ZNF599: variants seen among roughly 807,000 people sequenced by gnomAD.
ZNF599 encodes zinc finger protein 599.
In ZNF599, 10 loss-of-function variants were observed where a neutral mutation model predicts 11.7. The ratio of observed to expected loss-of-function variants is 0.86; its 90% CI spans 0.53 to 1.45. The LOEUF is 1.45. Among genes scored for constraint, ZNF599 ranks in the 40% most tolerant of loss-of-function variants. The pLI, the probability that ZNF599 is intolerant of heterozygous loss-of-function variation, is 0.00. For synonymous variants in ZNF599, 232 were observed against 253.2 expected (o/e 0.92, Z 0.79); for missense variants, 688 against 713.6 (o/e 0.96, Z 0.41).
chr19:34,770,851 G>C (rs1025791210), intron 1 of ZNF599, among the ~76,000 whole-genome samples: 1 of 152,138 alleles, frequency 6.6e-6, no homozygotes, highest in Non-Finnish European at 1.5e-5. Flanking sequence ...CCCTTTGCCG[G>C]GAAGGTTCCC....
chr19:34,772,819 C>G lies in ZNF599; in HGVS notation c.18+5G>C. 1 of 1,526,946 alleles carries G rather than the reference C, an allele frequency of 6.5e-7. No homozygotes were observed. The highest frequency in any genetic ancestry group is 8.8e-7 in the Non-Finnish European group (1 of 1,140,690). The allele number at this position is 1,526,946 out of a possible 1,614,324, so 94.6% of individuals were successfully genotyped here. A position where few individuals can be genotyped will look rare whatever the true frequency, so the allele number is the denominator to read the frequency against. ...CTCGCGCGGGCTGCGGAACCCTCCA[C>G]TCACCAACGCCGGCGCCGCCATGGG... On this transcript the variant is annotated splice_donor_5th_base_variant and intron_variant, in intron 1 of 3. Transcript: ENST00000329285.
At chr19:34,796,434 C>T in the ZNF599 span, among the ~76,000 whole-genome samples, 2 of 151,914 alleles carry the variant, frequency 1.3e-5, no homozygotes, top group South Asian at 4.2e-4. Context: ...CCTCAGTCTT[C>T]CGAGAAGCTG....
chr19:34,766,938 C>T (rs1334193801), intron 3 of ZNF599: 1 of 181,852 alleles, frequency 5.5e-6, no homozygotes, highest in East Asian at 1.4e-4. Flanking sequence ...TGGGCTATGG[C>T]ATGGATAAAA....
chr19:34,800,752 C>T, the ZNF599 span, among the ~76,000 whole-genome samples: 2 of 152,018 alleles, frequency 1.3e-5, no homozygotes, highest in South Asian at 2.1e-4. Flanking sequence ...TGCACCACTA[C>T]GCCCTACTAA....
In ZNF599 at chr19:34,760,454, G is replaced by C; in HGVS notation, c.347C>G (p.Ser116Cys). Residue 116 changes from serine to cysteine, a missense_variant, in exon 4 of 4, where the codon TCC (serine) becomes TGC (cysteine). Transcript: ENST00000329285. ...ELLAQRSSRD[S>C]RLGQARDEEK... ...CTCATCTCTAGCTTGCCCCAACCTG[G>C]AATCTCTTGAGGATCTCTGTGCCAG... 2 of 1,614,072 alleles carry C rather than the reference G, an allele frequency of 1.2e-6. No homozygotes were observed. The highest frequency in any genetic ancestry group is 1.7e-5 in the Admixed American group (1 of 60,010).
chr19:34,795,652 T>C, the ZNF599 span, among the ~76,000 whole-genome samples: 10 of 152,288 alleles, frequency 6.6e-5, no homozygotes, highest in Non-Finnish European at 1.3e-4. Flanking sequence ...TATGACTTAC[T>C]ACCACACATA....
At chr19:34,786,248 C>G in the ZNF599 span, among the ~76,000 whole-genome samples, 1 of 152,166 alleles carries the variant, frequency 6.6e-6, no homozygotes, top group Non-Finnish European at 1.5e-5. Flanking sequence ...CAGAATCCCC[C>G]CTTACCTCTG....
chr19:34,801,828 A>G, the ZNF599 span, among the ~76,000 whole-genome samples: 1 of 152,238 alleles, frequency 6.6e-6, no homozygotes, highest in African/African-American at 2.4e-5. Context: ...GCCCTTCACG[A>G]AAAAGCTCCT....
At chr19:34,764,004 C>T (rs951032196) in intron 3 of ZNF599, 2 of 152,148 alleles carry the variant, frequency 1.3e-5, no homozygotes, top group Admixed American at 6.5e-5. Context: ...ATCACTTGAA[C>T]CCAGGAGGCA....
Position 34,759,672 on chromosome 19 carries a change from A to G in ZNF599, c.1129T>C (p.Cys377Arg). 1.2e-6 allele frequency: 2 copies of G among 1,614,212 alleles called. No individual in the cohort carries two copies. The highest frequency in any genetic ancestry group is 2.2e-5 in the South Asian group (2 of 91,080). The change falls in exon 4 of 4, where the codon TGC (cysteine) becomes CGC (arginine). Residue 377 changes from cysteine to arginine, a missense_variant. Transcript: ENST00000329285. ...FLCKECGKTF[C>R]LNSSFTQHMR... is the part of the protein sequence containing the mutation. ...TGCTGAGTGAAGGATGAGTTGAGGC[A>G]AAAGGTTTTTCCACATTCTTTACAT...
At chr19:34,780,699 A>G in the ZNF599 span, among the ~76,000 whole-genome samples, 2 of 150,014 alleles carry the variant, frequency 1.3e-5, no homozygotes, top group East Asian at 3.9e-4. Flanking sequence ...AGGAAGAGAG[A>G]AAGCAAGAAA....
At chr19:34,782,661 CTG>C in the ZNF599 span, among the ~76,000 whole-genome samples, 11 of 152,210 alleles carry the variant, frequency 7.2e-5, no homozygotes, top group African/African-American at 2.7e-4. Flanking sequence ...CATGCTCCAG[CTG>C]TGAGGACAGA....
chr19:34,800,586 G>GTTTTGTT, the ZNF599 span, among the ~76,000 whole-genome samples: 1 of 112,978 alleles, frequency 8.9e-6, no homozygotes, highest in South Asian at 3.0e-4. Context: ...CATTTCCTTT[G>GTTTTGTT]TTTTTTTTTT....
intron 2 of ZNF599, 118 bp from the exon 3 acceptor site, chr19:34,767,529 C>T (rs1043719540): frequency 1.5e-6 from 1 of 656,176 alleles, no homozygotes; most frequent in African/African-American, 1.8e-5. Context: ...AAGGGCCCTC[C>T]CCTGCCTCAC....
the ZNF599 span, among the ~76,000 whole-genome samples, chr19:34,790,396 A>G: frequency 6.6e-6 from 1 of 152,250 alleles, no homozygotes; most frequent in Non-Finnish European, 1.5e-5. Context: ...ATACAAAGTG[A>G]AATGAATACA....
Position 34,760,510 on chromosome 19 carries a change from G to C in ZNF599, c.291C>G (p.Ala97=). The C allele has an allele frequency of 6.2e-7, 1 of 1,614,006 alleles. No homozygotes were observed. The highest frequency in any genetic ancestry group is 1.1e-5 in the South Asian group (1 of 91,072). The change falls in exon 4 of 4, where the codon GCC becomes GCG. Residue 97 remains alanine, a synonymous_variant. Coordinates refer to ENST00000329285, the MANE Select transcript of ZNF599 (RefSeq NM_001007248.3). ...CCTGGAAAGAGGATTCCTCAGAGAA[G>C]GCCAGCTGAGAAGCAGTAGGCTCTG... ...KITEPTASQL[A]FSEESSFQEL... is the part of the protein sequence containing the mutation.
intron 2 of ZNF599, among the ~76,000 whole-genome samples, chr19:34,769,024 A>C (rs2069164240): frequency 6.6e-6 from 1 of 152,208 alleles, no homozygotes; most frequent in Non-Finnish European, 1.5e-5. Flanking sequence ...GCTGAAAAAG[A>C]TATAAGCAGC....
At chr19:34,768,678 A>G (rs1488380374) in intron 2 of ZNF599, among the ~76,000 whole-genome samples, 4 of 152,240 alleles carry the variant, frequency 2.6e-5, no homozygotes, top group African/African-American at 9.6e-5. Context: ...AATCAAAATG[A>G]TAACAGGTCC....
chr19:34,768,474 C>G (rs2069159382), intron 2 of ZNF599, among the ~76,000 whole-genome samples: 1 of 152,192 alleles, frequency 6.6e-6, no homozygotes, highest in Admixed American at 6.5e-5. Flanking sequence ...GACTTTGGGC[C>G]TCCATTCATA....
Sources: allele counts gnomAD v4.1 joint callset (sites outside exome capture counted in the v4.1 genomes callset), GRCh38; gene constraint gnomAD v4.1.1; transcripts MANE v1.5; gene names NCBI Gene and HGNC (gene_info 2026-07-23, HGNC 2026-07-21).